The following LRP1B variants were observed in gnomAD, a reference collection of about 807,000 sequenced individuals.
LRP1B encodes the protein low-density lipoprotein receptor-related protein 1B.
LRP1B carries 217 observed loss-of-function variants against 556.6 expected under a neutral mutation model. That is an observed-to-expected ratio of 0.39 (90% CI 0.35 to 0.44). The LOEUF (loss-of-function observed/expected upper bound fraction) is 0.44. LRP1B is among the 20% of genes least tolerant of loss of function. The pLI, the probability that LRP1B is intolerant of heterozygous loss-of-function variation, is 1.00. For missense variants in LRP1B, 5,053 were observed against 5,620.8 expected (o/e 0.90, Z 3.23); for synonymous variants, 2,047 against 1,865.8 (o/e 1.10, Z -2.50).
At chr2:140,719,824 G>A (rs796690213) in intron 35 of LRP1B, among the ~76,000 whole-genome samples, 48 of 152,098 alleles carry the variant, frequency 3.2e-4, no homozygotes, top group African/African-American at 1.1e-3. Context: ...GAGTATAGAA[G>A]AATTAAATCA....
At chr2:141,472,600 C>A (rs796713396) in intron 3 of LRP1B, among the ~76,000 whole-genome samples, 15 of 152,104 alleles carry the variant, frequency 9.9e-5, no homozygotes, top group African/African-American at 3.6e-4. Context: ...ATTGCAGCAA[C>A]AAATGAAGAT....
chr2:140,748,090 T>C (rs955397517), intron 35 of LRP1B, among the ~76,000 whole-genome samples: 1 of 61,846 alleles, frequency 1.6e-5, no homozygotes, highest in African/African-American at 6.7e-5. Context: ...TAAAGTCCTA[T>C]GAATATATAT....
At chr2:140,890,806 C>T (rs1216641095) in intron 23 of LRP1B, among the ~76,000 whole-genome samples, 6 of 151,888 alleles carry the variant, frequency 4.0e-5, no homozygotes, top group South Asian at 2.1e-4. Flanking sequence ...TTTAAAATCC[C>T]ATCTTACAAT....
intron 3 of LRP1B, 182 bp downstream of exon 3, chr2:141,480,214 G>A (rs1166094139): frequency 5.1e-6 from 3 of 590,462 alleles, no homozygotes; most frequent in African/African-American, 3.8e-5. Flanking sequence ...GTGTTTTTTT[G>A]CTCAAACATA....
intron 1 of LRP1B, among the ~76,000 whole-genome samples, chr2:141,902,942 G>A (rs1699662471): frequency 6.6e-6 from 1 of 151,802 alleles, no homozygotes; most frequent in African/African-American, 2.4e-5. Flanking sequence ...ATAAAAAGTA[G>A]GCTAACTTTT....
intron 43 of LRP1B, among the ~76,000 whole-genome samples, chr2:140,589,600 T>C (rs1682134595): frequency 6.6e-6 from 1 of 152,202 alleles, no homozygotes; most frequent in African/African-American, 2.4e-5. Context: ...TCATAGATAC[T>C]ACTCAGCAGG....
intron 32 of LRP1B, among the ~76,000 whole-genome samples, chr2:140,805,396 C>A (rs1690675825): frequency 6.6e-6 from 1 of 152,032 alleles, no homozygotes; most frequent in Admixed American, 6.6e-5. Flanking sequence ...GTGAGGATAG[C>A]CAATTGCAAG....
intron 2 of LRP1B, among the ~76,000 whole-genome samples, chr2:141,486,286 C>T (rs568099226): frequency 1.3e-5 from 2 of 152,288 alleles, no homozygotes; most frequent in South Asian, 2.1e-4. Context: ...GATTTCACTT[C>T]TTACACTAAA....
At chr2:140,397,531 A>G (rs574721741) in intron 66 of LRP1B, among the ~76,000 whole-genome samples, 1 of 152,326 alleles carries the variant, frequency 6.6e-6, no homozygotes, top group African/African-American at 2.4e-5. Flanking sequence ...CAAATTGCCC[A>G]TAGTCATACA....
chr2:141,432,608 A>C (rs765433758), intron 3 of LRP1B, among the ~76,000 whole-genome samples: 1 of 151,954 alleles, frequency 6.6e-6, no homozygotes. Flanking sequence ...TCTTTAGTCT[A>C]TTCAGATGTT....
intron 43 of LRP1B, among the ~76,000 whole-genome samples, chr2:140,570,651 A>G (rs1236875561): frequency 6.6e-6 from 1 of 151,788 alleles, no homozygotes; most frequent in Non-Finnish European, 1.5e-5. Flanking sequence ...AAAAGAAGGA[A>G]TTCCTCAAAT....
At chr2:141,486,223 C>G (rs1315182564) in intron 2 of LRP1B, among the ~76,000 whole-genome samples, 1 of 151,988 alleles carries the variant, frequency 6.6e-6, no homozygotes, top group African/African-American at 2.4e-5. Context: ...ACATATGAGG[C>G]TAGTATTTAT....
chr2:142,074,127 C>T (rs1406384611), intron 1 of LRP1B, among the ~76,000 whole-genome samples: 2 of 152,030 alleles, frequency 1.3e-5, no homozygotes, highest in Non-Finnish European at 2.9e-5. Flanking sequence ...TTTCTCTTCA[C>T]TGCTTGTAAT....
In LRP1B at chr2:141,075,597, A is replaced by G. The variant is rs74863492; in HGVS notation, c.1014-13324T>C. ...AACAGTAAAGTATTTGATGTAATAT[A>G]TTAGAATTCAAAAGTTGCTCTTTGA... is the stretch of plus-strand genomic sequence containing the variant. On this transcript the variant is annotated intron_variant, in intron 7 of 90. Coordinates refer to ENST00000389484, the MANE Select transcript of LRP1B (RefSeq NM_018557.3). Among the ~76,000 whole-genome samples, 899 of 152,310 alleles carry G rather than the reference A, an allele frequency of 5.9e-3. 11 individuals carry two copies. The highest frequency in any genetic ancestry group is 0.02 in the African/African-American group (848 of 41,582).
At chr2:140,667,177 C>T (rs911902727) in intron 41 of LRP1B, among the ~76,000 whole-genome samples, 4 of 152,128 alleles carry the variant, frequency 2.6e-5, no homozygotes, top group Non-Finnish European at 4.4e-5. Flanking sequence ...CTGTTACCTC[C>T]ATGCCTGGGA....
chr2:141,264,845 GACTA>G (rs1487415686), intron 3 of LRP1B, among the ~76,000 whole-genome samples: 1 of 152,090 alleles, frequency 6.6e-6, no homozygotes, highest in Non-Finnish European at 1.5e-5. Flanking sequence ...TTTTTTCCTA[GACTA>G]ACTACGTGGC....
chr2:141,863,004 T>C (rs558341118), intron 1 of LRP1B, among the ~76,000 whole-genome samples: 2 of 152,312 alleles, frequency 1.3e-5, no homozygotes, highest in Admixed American at 6.5e-5. Context: ...CTCTCTCTTA[T>C]GCATTAAGCT....
At chr2:141,402,240 T>C (rs1690475444) in intron 3 of LRP1B, among the ~76,000 whole-genome samples, 1 of 152,102 alleles carries the variant, frequency 6.6e-6, no homozygotes, top group Admixed American at 6.5e-5. Context: ...GGAGTTGTAG[T>C]TTTCCCCTCC....
intron 1 of LRP1B, among the ~76,000 whole-genome samples, chr2:142,121,973 T>A (rs1707471115): frequency 6.6e-6 from 1 of 152,180 alleles, no homozygotes. Flanking sequence ...TAACTCATAT[T>A]AAGCAATTAA....
Sources: allele counts gnomAD v4.1 joint callset (sites outside exome capture counted in the v4.1 genomes callset), GRCh38; gene constraint gnomAD v4.1.1; transcripts MANE v1.5; gene names NCBI Gene and HGNC (gene_info 2026-07-23, HGNC 2026-07-21).